Variants in BOC observed in about 807,000 individuals in gnomAD.
The protein encoded by BOC is brother of CDO.
Under a neutral mutation model 112.0 loss-of-function variants are expected in BOC, and 76 were observed. The observed-to-expected ratio is 0.68, with a 90% confidence interval of 0.56 to 0.82. The LOEUF (loss-of-function observed/expected upper bound fraction) is 0.82, where lower values mean the gene tolerates loss of function less well. Among genes scored for constraint, BOC ranks in the 40% least tolerant of loss-of-function variants. BOC has a pLI of 0.00. For synonymous variants in BOC, 580 were observed against 599.8 expected (o/e 0.97, Z 0.48); for missense variants, 1,309 against 1,511.7 (o/e 0.87, Z 2.22).
chr3:113,283,804 G>A (rs372434898), intron 16 of BOC, among the ~76,000 whole-genome samples, 172 bp downstream of exon 16: 18 of 151,918 alleles, frequency 1.2e-4, no homozygotes, highest in African/African-American at 2.4e-4. Flanking sequence ...CACAGACCTC[G>A]GCTTGGGGAG....
In BOC at chr3:113,273,086, A is replaced by T; in HGVS notation, c.979A>T (p.Met327Leu). Residue 327 changes from methionine (M) to leucine (L), a missense_variant, in exon 8 of 20, where the codon ATG becomes TTG. By Grantham distance (15) the Met-to-Leu change is conservative. Transcript: ENST00000682979. ...VQVFEPPEVT[M>L]ELSQLVIPWG... ...CCTGGCAGAACCCCCTGAGGTCACCATGGAGCTATCCCAGCTGGTCATCCC... is the reference window on the plus strand; with the variant it reads ...CCTGGCAGAACCCCCTGAGGTCACCTTGGAGCTATCCCAGCTGGTCATCCC... 6.2e-7 allele frequency: 1 copy of T among 1,605,598 alleles called. No individual in the cohort carries two copies.
intron 4 of BOC, among the ~76,000 whole-genome samples, chr3:113,258,756 C>T (rs1485640743): frequency 6.6e-6 from 1 of 152,132 alleles, no homozygotes; most frequent in Non-Finnish European, 1.5e-5. Context: ...CAGCTCCACA[C>T]AGGGGAATGG....
Position 113,286,739 on chromosome 3 carries a change from G to C in BOC, c.3225G>C (p.Val1075=). 6.2e-7 allele frequency: 1 copy of C among 1,613,716 alleles called. No individual in the cohort carries two copies. Among genetic ancestry groups the C allele is most frequent in the Non-Finnish European group, 8.5e-7 (1 of 1,179,770 alleles). The change falls in exon 20 of 20, where the codon GTG becomes GTC. Residue 1075 remains valine (V), a synonymous_variant. Transcript: ENST00000682979. The part of the protein sequence containing the change: ...EEVDSPDSCQ[V]SGGDWCPQHP... ...TGGACAGTCCTGACTCCTGCCAAGT[G>C]AGTGGAGGAGACTGGTGTCCCCAGC...
At position 113,274,434 on chromosome 3, in the gene BOC, C is replaced by T. The variant is rs1466571334; in HGVS notation, c.1294C>T (p.Pro432Ser). 1.0e-5 allele frequency: 16 copies of T among 1,599,146 alleles called. No individual in the cohort carries two copies. Among genetic ancestry groups the T allele is most frequent in the Non-Finnish European group, 1.4e-5 (16 of 1,169,838 alleles). ...GGCTACTGGCACACCTCCTGTATCACCCTCCAAACTCGGCAACCCTGAGCA... is the reference window on the plus strand; with the variant it reads ...GGCTACTGGCACACCTCCTGTATCATCCTCCAAACTCGGCAACCCTGAGCA... ...ELATGTPPVSPSKLGNPEQML... is the reference protein window; with the variant it reads ...ELATGTPPVSSSKLGNPEQML... The change falls in exon 9 of 20, where the codon CCC (proline) becomes TCC (serine). Residue 432 changes from proline (P) to serine (S), a missense_variant. Transcript: ENST00000682979. The surrounding 1 kb of genome is among the most constrained non-coding windows in gnomAD (Gnocchi z 4.8).
intron 2 of BOC, among the ~76,000 whole-genome samples, chr3:113,225,222 C>T (rs563977752): frequency 3.1e-4 from 46 of 150,004 alleles, no homozygotes; most frequent in Non-Finnish European, 5.6e-4. Flanking sequence ...TGTAGTGAGC[C>T]GAGATTGCAC....
intron 15 of BOC, among the ~76,000 whole-genome samples, chr3:113,283,079 A>G (rs1412315330): frequency 6.6e-6 from 1 of 152,152 alleles, no homozygotes; most frequent in Non-Finnish European, 1.5e-5. Flanking sequence ...CTGCATTTTA[A>G]ATATTTTCTT....
At chr3:113,279,649 C>G in intron 12 of BOC, 175 bp from the exon 13 acceptor site, 1 of 828,888 alleles carries the variant, frequency 1.2e-6, no homozygotes, top group South Asian at 1.7e-5. Flanking sequence ...CATCCAGAGC[C>G]ATCTCCCCTG....
Position 113,286,906 on chromosome 3 carries a change from T to TA in BOC, c.*55dup, listed in dbSNP as rs5851892. On this transcript the variant is annotated 3_prime_UTR_variant, in exon 20 of 20. Coordinates refer to ENST00000682979, the MANE Select transcript of BOC (RefSeq NM_001378074.1). Reference sequence around the variant, plus strand: ...GAAAGACTATATATTGTTTTTTTTTTAAAAAAAAAAAGAAGAAAAAAGAGA... The same window carrying TA: ...GAAAGACTATATATTGTTTTTTTTTTAAAAAAAAAAAAGAAGAAAAAAGAGA... The TA allele has an allele frequency of 0.047, 57,727 of 1,234,160 alleles. 340 individuals are homozygous for TA. The highest frequency in any genetic ancestry group is 0.053 in the Non-Finnish European group (48,669 of 910,648). 76.5% of individuals were successfully genotyped at this position (1,234,160 alleles called of 1,614,324 possible).
Position 113,257,214 on chromosome 3 carries a change from C to T in BOC, c.376+6381C>T, listed in dbSNP as rs189188223. 4.4e-3 allele frequency among the ~76,000 whole-genome samples: 666 copies of T among 152,320 alleles called. 7 individuals are homozygous for T. Among genetic ancestry groups the T allele is most frequent in the South Asian group, 0.024 (115 of 4,830 alleles). On this transcript the variant is annotated intron_variant, in intron 4 of 19. Transcript: ENST00000682979. ...GCACCTTTAGACGGAGATGTTTCCACGCTGCCAGGACAATGGTTATTCCTT... is the reference window on the plus strand; with the variant it reads ...GCACCTTTAGACGGAGATGTTTCCATGCTGCCAGGACAATGGTTATTCCTT...
rs16860788 is a variant in BOC, at chr3:113,285,574, C to T, written c.3160+9C>T. On this transcript the variant is annotated intron_variant, in intron 19 of 19. Transcript: ENST00000682979. ...CCCTCCATTTCACTCAGGTTGGTTC[C>T]AGGAGCAGGGCAGGGAAATTAAACA... is the stretch of plus-strand genomic sequence containing the variant. 0.045 allele frequency: 69,842 copies of T among 1,563,002 alleles called. 1,722 individuals are homozygous for T. Among genetic ancestry groups the T allele is most frequent in the African/African-American group, 0.066 (4,839 of 73,818 alleles).
chr3:113,280,928 C>A, intron 14 of BOC, 103 bp from the exon 15 acceptor site: 1 of 1,482,798 alleles, frequency 6.7e-7, no homozygotes. Context: ...CAGTCAGTGG[C>A]ATCCTCCCCC....
chr3:113,229,989 T>C (rs1000137851), intron 2 of BOC, among the ~76,000 whole-genome samples: 2 of 152,234 alleles, frequency 1.3e-5, no homozygotes, highest in African/African-American at 4.8e-5. Flanking sequence ...TTCATTTGCT[T>C]GAGGTGCTGC....
intron 2 of BOC, among the ~76,000 whole-genome samples, chr3:113,226,369 G>A (rs987615158): frequency 6.6e-6 from 1 of 152,082 alleles, no homozygotes; most frequent in Non-Finnish European, 1.5e-5. Context: ...GTGTGGTCTG[G>A]GTCTTCTCTA....
At chr3:113,218,747 C>T (rs1939980284) in intron 2 of BOC, among the ~76,000 whole-genome samples, 1 of 152,246 alleles carries the variant, frequency 6.6e-6, no homozygotes. Flanking sequence ...CTGCCATCTG[C>T]GAAGGCCCCA....
rs6777630 is a variant in BOC at position 113,222,120 on chromosome 3, C to A, written c.-82+5846C>A. ...ATTCTCTCTCCCTTCAACCTAATTT[C>A]TTTTCCTCCATGTTATCACCTCCTG... On this transcript the variant is annotated intron_variant, in intron 2 of 19. Transcript: ENST00000682979. Among the ~76,000 whole-genome samples, 1,207 of 152,314 alleles carry A rather than the reference C, an allele frequency of 7.9e-3. 13 individuals are homozygous for A. The highest frequency in any genetic ancestry group is 0.028 in the African/African-American group (1,151 of 41,560).
chr3:113,245,177 C>T (rs1460910980), intron 2 of BOC, among the ~76,000 whole-genome samples: 1 of 152,108 alleles, frequency 6.6e-6, no homozygotes, highest in Non-Finnish European at 1.5e-5. Context: ...GTGTCAAATA[C>T]AACTTTTTAA....
intron 19 of BOC, among the ~76,000 whole-genome samples, chr3:113,286,044 G>A (rs960427495): frequency 1.3e-5 from 2 of 152,070 alleles, no homozygotes; most frequent in African/African-American, 4.8e-5. Flanking sequence ...TACTTCCACG[G>A]AACTTTTTCT....
rs999132217 is a variant in BOC at position 113,283,353 on chromosome 3, G to A, written c.2435-58G>A. The A allele has an allele frequency of 2.0e-6, 3 of 1,484,208 alleles. No homozygotes were observed. In the African/African-American group the frequency reaches 4.3e-5, roughly 21 times the overall value. 91.9% of individuals were successfully genotyped at this position (1,484,208 alleles called of 1,614,324 possible). On this transcript the variant is annotated intron_variant, in intron 15 of 19. Transcript: ENST00000682979. ...AATGGGGGTATTTTTTTTTCTATTT[G>A]TTGTGAAGGAAATATCAAAGAAACA... is the stretch of plus-strand genomic sequence containing the variant.
At chr3:113,242,319 T>C (rs1464798123) in intron 2 of BOC, among the ~76,000 whole-genome samples, 1 of 152,194 alleles carries the variant, frequency 6.6e-6, no homozygotes, top group African/African-American at 2.4e-5. Context: ...GTGGGTAGAT[T>C]TGTAGATTTT....
Sources: gnomAD v4.1 joint callset for allele counts (sites outside exome capture counted in the v4.1 genomes callset) on GRCh38, gnomAD v4.1.1 for gene constraint, Gnocchi (gnomAD v3.1) non-coding constraint, MANE v1.5 for transcripts, NCBI Gene and HGNC (gene_info 2026-07-23, HGNC 2026-07-21) for gene names.